CNTNAP5: variants seen among roughly 807,000 people sequenced by gnomAD.
The protein encoded by CNTNAP5 is contactin-associated protein-like 5.
In CNTNAP5, 72 loss-of-function variants were observed where a neutral mutation model predicts 150.2. That is an observed-to-expected ratio of 0.48 (90% CI 0.40 to 0.58). CNTNAP5 has a LOEUF of 0.58. CNTNAP5 is among the 20% of genes least tolerant of loss of function. CNTNAP5 has a pLI of 0.00. For missense variants in CNTNAP5, 1,636 were observed against 1,626.2 expected, an observed-to-expected ratio of 1.01 and a Z score of -0.10; for synonymous variants, 672 against 619.8, an observed-to-expected ratio of 1.08 and a Z score of -1.25.
At chr2:124,245,660 TAC>T (rs1191882549) in intron 3 of CNTNAP5, among the ~76,000 whole-genome samples, 1 of 88,196 alleles carries the variant, frequency 1.1e-5, no homozygotes, top group African/African-American at 5.1e-5. Context: ...TGTATATATA[TAC>T]ACACAAATAT....
At chr2:124,228,811 T>G (rs1185378837) in intron 2 of CNTNAP5, among the ~76,000 whole-genome samples, 1 of 152,144 alleles carries the variant, frequency 6.6e-6, no homozygotes. Flanking sequence ...AACATCCTGG[T>G]ATCCCACTGG....
At chr2:124,099,514 G>A (rs1224684839) in intron 1 of CNTNAP5, among the ~76,000 whole-genome samples, 1 of 152,088 alleles carries the variant, frequency 6.6e-6, no homozygotes, top group Non-Finnish European at 1.5e-5. Flanking sequence ...TCAGACCCTG[G>A]GTATGGCACC....
chr2:124,154,413 G>A (rs1345506242), intron 1 of CNTNAP5, among the ~76,000 whole-genome samples: 2 of 152,032 alleles, frequency 1.3e-5, no homozygotes, highest in African/African-American at 4.8e-5. Flanking sequence ...GAGGAGAGGT[G>A]GAATGAGAGC....
At chr2:124,070,966 G>C (rs1039187323) in intron 1 of CNTNAP5, among the ~76,000 whole-genome samples, 1 of 151,822 alleles carries the variant, frequency 6.6e-6, no homozygotes, top group East Asian at 1.9e-4. Flanking sequence ...CAAGTCTTAA[G>C]ATATTCAAAA....
At chr2:124,617,346 T>C (rs1677513795) in intron 12 of CNTNAP5, among the ~76,000 whole-genome samples, 1 of 152,156 alleles carries the variant, frequency 6.6e-6, no homozygotes, top group Admixed American at 6.5e-5. Flanking sequence ...AATCCAAAAG[T>C]ACCTGCAGTG....
intron 3 of CNTNAP5, among the ~76,000 whole-genome samples, chr2:124,399,680 T>C (rs1241013496): frequency 6.6e-6 from 1 of 152,162 alleles, no homozygotes; most frequent in Non-Finnish European, 1.5e-5. Flanking sequence ...CCACAGTCTG[T>C]GAGTAGTTTG....
At chr2:124,565,774 T>C (rs916455775) in intron 11 of CNTNAP5, among the ~76,000 whole-genome samples, 1 of 151,922 alleles carries the variant, frequency 6.6e-6, no homozygotes, top group Non-Finnish European at 1.5e-5. Context: ...TAATTTTTTA[T>C]ATTTTTAGTA....
chr2:124,136,769 T>G (rs980203099), intron 1 of CNTNAP5, among the ~76,000 whole-genome samples: 4 of 152,190 alleles, frequency 2.6e-5, no homozygotes, highest in Admixed American at 6.5e-5. Context: ...TGAAACTGGA[T>G]GGCTGAAAGC....
chr2:124,183,970 C>A (rs547164465), intron 1 of CNTNAP5, among the ~76,000 whole-genome samples: 7 of 152,216 alleles, frequency 4.6e-5, no homozygotes, highest in Admixed American at 2.0e-4. Context: ...CAGATAAATG[C>A]CCAGAATTTT....
At chr2:124,536,759 T>C (rs907099381) in intron 10 of CNTNAP5, among the ~76,000 whole-genome samples, 4 of 151,796 alleles carry the variant, frequency 2.6e-5, no homozygotes, top group African/African-American at 7.3e-5. Context: ...GAAGAGCAGG[T>C]TGGATTTACG....
intron 11 of CNTNAP5, among the ~76,000 whole-genome samples, chr2:124,570,414 G>A (rs1021317445): frequency 1.3e-5 from 2 of 152,076 alleles, no homozygotes; most frequent in Non-Finnish European, 2.9e-5. Flanking sequence ...GGGGGCTATG[G>A]GACACCTGGC....
Position 124,731,393 on chromosome 2 carries a change from C to T in CNTNAP5, c.2078-15836C>T, listed in dbSNP as rs75205588. On this transcript the variant is annotated intron_variant, in intron 13 of 23. Transcript: ENST00000682447. Reference sequence around the variant, plus strand: ...ACCGTAAGCAGATAATGCTTATTAACCATCAACAATAAAATACTGTAGATA... The same window carrying T: ...ACCGTAAGCAGATAATGCTTATTAATCATCAACAATAAAATACTGTAGATA... Among the ~76,000 whole-genome samples the T allele has an allele frequency of 9.4e-3, 1,426 of 151,710 alleles. 18 individuals carry two copies. The highest frequency in any genetic ancestry group is 0.01 in the Middle Eastern group (3 of 292).
chr2:124,616,033 C>T (rs1326151040), intron 12 of CNTNAP5, among the ~76,000 whole-genome samples: 1 of 152,022 alleles, frequency 6.6e-6, no homozygotes, highest in African/African-American at 2.4e-5. Flanking sequence ...TGGTCCCATC[C>T]AGGCTTTATT....
intron 21 of CNTNAP5, among the ~76,000 whole-genome samples, chr2:124,883,225 C>T (rs1265565229): frequency 2.0e-5 from 3 of 151,874 alleles, no homozygotes; most frequent in Non-Finnish European, 2.9e-5. Flanking sequence ...CCAAGTACAG[C>T]TAATTTTTGT....
chr2:124,063,881 T>C (rs1288689992), intron 1 of CNTNAP5, among the ~76,000 whole-genome samples: 4 of 152,158 alleles, frequency 2.6e-5, no homozygotes, highest in Non-Finnish European at 4.4e-5. Flanking sequence ...TGCTAGATAT[T>C]TGTCAGCTTA....
intron 1 of CNTNAP5, among the ~76,000 whole-genome samples, chr2:124,092,535 C>T (rs1028121648): frequency 4.6e-5 from 7 of 152,180 alleles, no homozygotes; most frequent in Non-Finnish European, 8.8e-5. Flanking sequence ...GACAAAAAGA[C>T]AGATGAGTTT....
chr2:124,864,412 A>G (rs1014749192), intron 19 of CNTNAP5, among the ~76,000 whole-genome samples: 6 of 152,166 alleles, frequency 3.9e-5, no homozygotes, highest in African/African-American at 1.4e-4. Context: ...TACTTTTGTT[A>G]ACTCTAGTCA....
At chr2:124,212,637 G>A (rs1223094113) in intron 1 of CNTNAP5, among the ~76,000 whole-genome samples, 3 of 151,924 alleles carry the variant, frequency 2.0e-5, no homozygotes, top group Admixed American at 6.6e-5. Context: ...TAGCTTTACC[G>A]TATTTGATTT....
intron 1 of CNTNAP5, among the ~76,000 whole-genome samples, chr2:124,056,657 GAAC>G (rs957805293): frequency 4.0e-5 from 6 of 151,646 alleles, no homozygotes; most frequent in African/African-American, 9.7e-5. Context: ...AAAACAACAA[GAAC>G]AACAACAACA....
Sources: gnomAD v4.1 joint callset for allele counts (sites outside exome capture counted in the v4.1 genomes callset) on GRCh38, gnomAD v4.1.1 for gene constraint, MANE v1.5 for transcripts, NCBI Gene and HGNC (gene_info 2026-07-23, HGNC 2026-07-21) for gene names.